Variants in AKAP9 observed in about 807,000 individuals in gnomAD.
AKAP9 encodes A-kinase anchor protein 9.
In AKAP9, 311 loss-of-function variants were observed where a neutral mutation model predicts 488.5. That is an observed-to-expected ratio of 0.64 (90% CI 0.58 to 0.70). The LOEUF (loss-of-function observed/expected upper bound fraction) is 0.70. Ranked by LOEUF, AKAP9 falls within the 30% of genes least tolerant of loss-of-function variation. The pLI, the probability that AKAP9 is intolerant of heterozygous loss-of-function variation, is 0.00. For missense variants in AKAP9, 4,215 were observed against 4,374.5 expected, an observed-to-expected ratio of 0.96 and a Z score of 1.03; for synonymous variants, 1,462 against 1,483.5, an observed-to-expected ratio of 0.99 and a Z score of 0.33.
At chr7:92,092,970 A>C (rs1415068793) in intron 38 of AKAP9, 127 bp from the exon 39 acceptor site, 4 of 810,496 alleles carry the variant, frequency 4.9e-6, no homozygotes, top group Non-Finnish European at 7.8e-6. Flanking sequence ...AACTCTTGGG[A>C]CTATAATTTT....
At position 92,076,931 on chromosome 7, in the gene AKAP9, A is replaced by G. The variant is rs1812674840; in HGVS notation, c.6689A>G (p.His2230Arg). 4 of 1,556,214 alleles carry G rather than the reference A, an allele frequency of 2.6e-6. No homozygotes were observed. Among genetic ancestry groups the G allele is most frequent in the East Asian group, 2.3e-5 (1 of 44,432 alleles). The change falls in exon 29 of 50, where the codon CAT (histidine) becomes CGT (arginine). Residue 2230 changes from histidine (H) to arginine (R), a missense_variant. By Grantham distance (29) the His-to-Arg change is conservative. Transcript: ENST00000356239. ...AAGAATGAAGAAGTTCAACAATTAC[A>G]TATGCAATTAGAAATACAGAAAAAG... ...ENKNEEVQQL[H>R]MQLEIQKKES...
chr7:92,010,381 G>A (rs1035687081), intron 8 of AKAP9, among the ~76,000 whole-genome samples: 1 of 152,248 alleles, frequency 6.6e-6, no homozygotes, highest in Non-Finnish European at 1.5e-5. Context: ...TTACCCACAA[G>A]TGTGTTGACT....
chr7:92,050,323 C>T (rs1333046171), intron 21 of AKAP9, among the ~76,000 whole-genome samples: 4 of 151,966 alleles, frequency 2.6e-5, no homozygotes, highest in Admixed American at 1.3e-4. Context: ...TCTTGAACTC[C>T]TGACCTCGTG....
Position 91,956,183 on chromosome 7 carries a change from G to A in AKAP9, c.48+15036G>A, listed in dbSNP as rs372819002. Reference sequence around the variant, plus strand: ...TGGGAGGCTGAGGCGGGCGGATCACGAGGTCAGGAGATCGAGACCATCCTG... The same window carrying A: ...TGGGAGGCTGAGGCGGGCGGATCACAAGGTCAGGAGATCGAGACCATCCTG... On this transcript the variant is annotated intron_variant, in intron 1 of 49. Transcript: ENST00000356239. Among the ~76,000 whole-genome samples, 93 of 151,778 alleles carry A rather than the reference G, an allele frequency of 6.1e-4. 2 individuals are homozygous for A. The East Asian group carries it at 0.013, about 22-fold the overall frequency.
rs1437389176 is a variant in AKAP9 at position 92,089,509 on chromosome 7, A to C, written c.9338A>C (p.Glu3113Ala). The stretch of plus-strand genomic sequence containing the variant: ...AAAATTACTCTGAAAAGAGAACAAG[A>C]GAGTGAGAAACCAAGCCAAGGTATG... ...GRKITLKREQESEKPSQELLE... is the reference protein window; with the variant it reads ...GRKITLKREQASEKPSQELLE... Residue 3113 changes from glutamate (E) to alanine (A), a missense_variant, in exon 38 of 50, where the codon GAG (glutamate) becomes GCG (alanine). By Grantham distance (107) the Glu-to-Ala change is moderately radical. This residue lies in a region of AKAP9 where 1,476 missense variants were observed against 1,477.4 expected (regional missense o/e 1.00). Coordinates refer to ENST00000356239, the MANE Select transcript of AKAP9 (RefSeq NM_005751.5). The C allele has an allele frequency of 6.2e-7, 1 of 1,613,414 alleles. No homozygotes were observed. The highest frequency in any genetic ancestry group is 8.5e-7 in the Non-Finnish European group (1 of 1,179,660).
In AKAP9 at chr7:92,079,166, AGAG is replaced by A. The variant is rs786205709; in HGVS notation, c.7034_7036del (p.Arg2345_Glu2346delinsLys). ...TGATCAAGAATGTGTGAAGAGAAATAGAGAAGAAGAAATAGAGCAGCTCAATGA... is the reference window on the plus strand; with the variant it reads ...TGATCAAGAATGTGTGAAGAGAAATAAAGAAGAAATAGAGCAGCTCAATGA... On this transcript the variant is annotated inframe_deletion, in exon 31 of 50. Transcript: ENST00000356239. 36 of 1,614,004 alleles carry A rather than the reference AGAG, an allele frequency of 2.2e-5. No individual in the cohort carries two copies. The Admixed American group carries it at 4.8e-4, about 22-fold the overall frequency.
chr7:92,014,793 AT>A (rs1399602180), intron 10 of AKAP9, among the ~76,000 whole-genome samples: 1 of 152,216 alleles, frequency 6.6e-6, no homozygotes, highest in Non-Finnish European at 1.5e-5. Flanking sequence ...TAAAATGAGC[AT>A]TAAAAATTTT....
intron 23 of AKAP9, 32 bp downstream of exon 23, chr7:92,061,454 G>C (rs773460198): frequency 6.2e-7 from 1 of 1,611,140 alleles, no homozygotes; most frequent in Non-Finnish European, 8.5e-7. Context: ...ACTAAGGGTA[G>C]AGAAATTTCA....
At chr7:92,106,665 C>A (rs1267891606) in intron 47 of AKAP9, among the ~76,000 whole-genome samples, 1 of 152,154 alleles carries the variant, frequency 6.6e-6, no homozygotes, top group South Asian at 2.1e-4. Context: ...AGGGCTTGAA[C>A]ATTTCTGGCA....
intron 32 of AKAP9, among the ~76,000 whole-genome samples, chr7:92,082,958 A>C (rs1345694057): frequency 6.6e-6 from 1 of 152,202 alleles, no homozygotes; most frequent in Non-Finnish European, 1.5e-5. Flanking sequence ...AGAAGCTAAT[A>C]AAATTATTTC....
chr7:91,957,785 A>G (rs1290278707), intron 1 of AKAP9, among the ~76,000 whole-genome samples: 1 of 152,246 alleles, frequency 6.6e-6, no homozygotes, highest in African/African-American at 2.4e-5. Context: ...GATTTGGGCT[A>G]TAAACTAACA....
In AKAP9 at chr7:92,002,815, G is replaced by A. The variant is rs1799333415; in HGVS notation, c.2898G>A (p.Leu966=). ...SQRLSDLSEQ[L]KQKHGEISFL... ...GACTGTCTGATCTTTCTGAACAATT[G>A]AAACAGAAACATGGTGAGATTAGTT... Residue 966 remains leucine, a synonymous_variant, in exon 8 of 50, where the codon TTG becomes TTA. Transcript: ENST00000356239. The A allele has an allele frequency of 6.2e-7, 1 of 1,613,500 alleles. No individual in the cohort carries two copies. Among genetic ancestry groups the A allele is most frequent in the Non-Finnish European group, 8.5e-7 (1 of 1,179,688 alleles).
At chr7:91,953,264 G>T (rs1398752689) in intron 1 of AKAP9, among the ~76,000 whole-genome samples, 1 of 152,128 alleles carries the variant, frequency 6.6e-6, no homozygotes, top group Non-Finnish European at 1.5e-5. Context: ...ATGTGGTCAA[G>T]GTTTCAGTTG....
At chr7:91,964,213 A>G (rs1384481561) in intron 1 of AKAP9, among the ~76,000 whole-genome samples, 1 of 152,226 alleles carries the variant, frequency 6.6e-6, no homozygotes, top group African/African-American at 2.4e-5. Flanking sequence ...TTAAAATTCA[A>G]GCTAGATACG....
At chr7:91,953,529 A>G (rs996506244) in intron 1 of AKAP9, among the ~76,000 whole-genome samples, 6 of 152,192 alleles carry the variant, frequency 3.9e-5, no homozygotes, top group African/African-American at 9.7e-5. Flanking sequence ...CTGCCTTGGT[A>G]CTTGCGGTTG....
At chr7:92,067,608 CT>C (rs1401667286) in intron 26 of AKAP9, among the ~76,000 whole-genome samples, 1 of 152,190 alleles carries the variant, frequency 6.6e-6, no homozygotes, top group African/African-American at 2.4e-5. Flanking sequence ...CCTGCTTCTC[CT>C]TTTTCACCCC....
intron 9 of AKAP9, among the ~76,000 whole-genome samples, chr7:92,013,238 G>A (rs932399093): frequency 3.3e-5 from 5 of 151,648 alleles, no homozygotes; most frequent in African/African-American, 9.7e-5. Context: ...TGATCCGCCC[G>A]CCTCGGCCTC....
chr7:91,970,200 A>C (rs1347942751), intron 1 of AKAP9, among the ~76,000 whole-genome samples: 4 of 151,564 alleles, frequency 2.6e-5, no homozygotes, highest in African/African-American at 7.3e-5. Flanking sequence ...AGAAAAAAAA[A>C]CCCTCTATAC....
In AKAP9 at chr7:92,062,385, T is replaced by G. The variant is rs753242397; in HGVS notation, c.5876T>G (p.Leu1959Trp). The G allele has an allele frequency of 2.5e-6, 4 of 1,613,740 alleles. No individual in the cohort carries two copies. Among genetic ancestry groups the G allele is most frequent in the Non-Finnish European group, 3.4e-6 (4 of 1,179,706 alleles). The change falls in exon 24 of 50, where the codon TTG (leucine) becomes TGG (tryptophan). Residue 1959 changes from leucine to tryptophan, a missense_variant. Around this residue, in one of 5 missense-constraint regions of AKAP9, gnomAD observed 2,361 missense variants for 2,430.0 expected, o/e 0.97. Transcript: ENST00000356239. Reference sequence around the variant, plus strand: ...GAGTTGTTATGTGCAAGTAACAGGTTGCAAGAATTGGAGGCAGAGCAACAG... The same window carrying G: ...GAGTTGTTATGTGCAAGTAACAGGTGGCAAGAATTGGAGGCAGAGCAACAG... Reference protein sequence around the residue: ...EQELLCASNRLQELEAEQQQI... With the variant: ...EQELLCASNRWQELEAEQQQI...
Sources: gnomAD v4.1 joint callset for allele counts (sites outside exome capture counted in the v4.1 genomes callset) on GRCh38, gnomAD v4.1.1 for gene constraint, gnomAD v4.1.1 regional missense constraint, MANE v1.5 for transcripts, NCBI Gene and HGNC (gene_info 2026-07-23, HGNC 2026-07-21) for gene names.